The following SPMIP8 variants were observed in gnomAD, a reference collection of about 807,000 sequenced individuals.
SPMIP8 encodes the protein sperm microtubule inner protein 8, also known as testicular tissue protein Li 196.
At chr16:57,986,299 G>A in the SPMIP8 span, 1 of 239,774 alleles carries the variant, frequency 4.2e-6, no homozygotes, top group Non-Finnish European at 8.0e-6. Flanking sequence ...AGGCCCTAAG[G>A]GAGGGGGCTA....
the SPMIP8 span, chr16:57,985,441 CCCCCGA>C: frequency 1.2e-6 from 2 of 1,613,424 alleles, no homozygotes; most frequent in African/African-American, 2.7e-5. Flanking sequence ...CGTCCGTGCT[CCCCCGA>C]CTCACCGCGC....
At chr16:57,984,869 G>A in the SPMIP8 span, 1 of 1,527,408 alleles carries the variant, frequency 6.5e-7, no homozygotes, top group Non-Finnish European at 8.8e-7. Context: ...GCTGGAGCAG[G>A]GAACGTGGAC....
the SPMIP8 span, chr16:57,986,107 C>T: frequency 1.3e-6 from 1 of 789,878 alleles, no homozygotes. Flanking sequence ...TGGAGAGATC[C>T]GCCCCTGGCA....
the SPMIP8 span, among the ~76,000 whole-genome samples, chr16:57,981,431 TATA>T: frequency 7.5e-6 from 1 of 133,132 alleles, no homozygotes; most frequent in African/African-American, 2.8e-5. Flanking sequence ...TTATTATTAT[TATA>T]ATTTGGTATC....
chr16:57,978,762 C>T, the SPMIP8 span, among the ~76,000 whole-genome samples: 1 of 151,978 alleles, frequency 6.6e-6, no homozygotes, highest in Non-Finnish European at 1.5e-5. Flanking sequence ...ACCACAGATA[C>T]GTGCCACCCT....
At chr16:57,985,130 CG>C in the SPMIP8 span, 1 of 1,313,656 alleles carries the variant, frequency 7.6e-7, no homozygotes, top group African/African-American at 1.7e-5. Flanking sequence ...GGATTGTGGG[CG>C]GGGCTTAGAT....
chr16:57,985,556 G>A, the SPMIP8 span: 2 of 1,587,296 alleles, frequency 1.3e-6, no homozygotes, highest in East Asian at 2.3e-5. Context: ...TGTAAGTGAC[G>A]CCACGCGCCC....
chr16:57,985,881 C>A, the SPMIP8 span: 1 of 1,599,004 alleles, frequency 6.3e-7, no homozygotes, highest in Non-Finnish European at 8.5e-7. Flanking sequence ...CTTCCCATCT[C>A]GTGCTCACCC....
At chr16:57,977,421 A>AAAAAG in the SPMIP8 span, among the ~76,000 whole-genome samples, 2 of 150,756 alleles carry the variant, frequency 1.3e-5, no homozygotes, top group Non-Finnish European at 3.0e-5. Flanking sequence ...AAAAAAAAAA[A>AAAAAG]AAAGAAAAGA....
chr16:57,981,495 CTT>C, the SPMIP8 span, among the ~76,000 whole-genome samples: 22 of 122,996 alleles, frequency 1.8e-4, no homozygotes, highest in Middle Eastern at 4.3e-3. Flanking sequence ...CTCTCTCTCT[CTT>C]TCTCTTTTTT....
the SPMIP8 span, chr16:57,985,347 G>T: frequency 2.5e-6 from 4 of 1,572,608 alleles, no homozygotes; most frequent in South Asian, 1.2e-5. Flanking sequence ...CGGGGGTTGA[G>T]GGGGGAGGAG....
At chr16:57,987,813 CT>C in the SPMIP8 span, 4 of 202,368 alleles carry the variant, frequency 2.0e-5, no homozygotes, top group East Asian at 4.4e-4. Flanking sequence ...CCCAAGCCCC[CT>C]CCATTTCAGA....
the SPMIP8 span, chr16:57,986,739 G>A: frequency 6.6e-6 from 1 of 152,250 alleles, no homozygotes; most frequent in African/African-American, 2.4e-5. Context: ...GATTACAGGT[G>A]CGCATGACCA....
chr16:57,984,984 T>C, the SPMIP8 span, among the ~76,000 whole-genome samples: 2 of 152,010 alleles, frequency 1.3e-5, no homozygotes, highest in South Asian at 4.2e-4. Flanking sequence ...CGCGCGGATC[T>C]GGAGGCAGGA....
the SPMIP8 span, among the ~76,000 whole-genome samples, chr16:57,983,182 T>C: frequency 6.6e-6 from 1 of 152,124 alleles, no homozygotes; most frequent in Non-Finnish European, 1.5e-5. Context: ...AGTGGCATGA[T>C]CACAGCTCAC....
At chr16:57,983,746 G>A in the SPMIP8 span, among the ~76,000 whole-genome samples, 6 of 152,060 alleles carry the variant, frequency 3.9e-5, no homozygotes, top group Non-Finnish European at 8.8e-5. Flanking sequence ...CTAGTAGCTG[G>A]GACTACAGTC....
At chr16:57,985,832 G>T in the SPMIP8 span, 1 of 1,515,576 alleles carries the variant, frequency 6.6e-7, no homozygotes, top group Non-Finnish European at 8.9e-7. Context: ...AGAGGGGGTG[G>T]CTCCCGAGGT....
the SPMIP8 span, chr16:57,984,763 T>A: frequency 6.2e-7 from 1 of 1,608,408 alleles, no homozygotes; most frequent in East Asian, 2.2e-5. Context: ...TGGTCCCACT[T>A]CGTGTCCTCG....
chr16:57,981,394 T>TAA, the SPMIP8 span, among the ~76,000 whole-genome samples: 42 of 140,152 alleles, frequency 3.0e-4, no homozygotes, highest in African/African-American at 8.5e-4. Flanking sequence ...ATAATAATAA[T>TAA]TATTATTATT....
Sources: allele counts gnomAD v4.1 joint callset (sites outside exome capture counted in the v4.1 genomes callset), GRCh38; gene constraint gnomAD v4.1.1; transcripts MANE v1.5; gene names NCBI Gene and HGNC (gene_info 2026-07-23, HGNC 2026-07-21).